ANKS6: variants seen among roughly 807,000 people sequenced by gnomAD.
ANKS6 encodes ankyrin repeat and SAM domain-containing protein 6.
In ANKS6, 47 loss-of-function variants were observed where a neutral mutation model predicts 77.9. That is an observed-to-expected ratio of 0.60 (90% CI 0.48 to 0.77). ANKS6 has a LOEUF of 0.77. Among genes scored for constraint, ANKS6 ranks in the 30% least tolerant of loss-of-function variants. The pLI is 0.00. For synonymous variants in ANKS6, 488 were observed against 501.7 expected, an observed-to-expected ratio of 0.97 and a Z score of 0.37; for missense variants, 1,150 against 1,159.1, an observed-to-expected ratio of 0.99 and a Z score of 0.11.
intron 12 of ANKS6, among the ~76,000 whole-genome samples, chr9:98,754,785 C>A (rs1832611179): frequency 6.6e-6 from 1 of 152,190 alleles, no homozygotes. Context: ...AATTATTCTA[C>A]AAAGAAAGTG....
chr9:98,794,020 C>T (rs948638465), intron 1 of ANKS6, among the ~76,000 whole-genome samples: 28 of 150,394 alleles, frequency 1.9e-4, no homozygotes, highest in African/African-American at 6.3e-4. Context: ...CGTGGTGGCA[C>T]GTGACTGTAA....
chr9:98,736,772 C>T (rs1319251715), intron 14 of ANKS6, 149 bp from the exon 15 acceptor site: 8 of 1,031,430 alleles, frequency 7.8e-6, no homozygotes, highest in Non-Finnish European at 1.1e-5. Context: ...GAAAGAGTAC[C>T]GAGTTCAATA....
At chr9:98,785,944 G>C (rs1457293824) in intron 2 of ANKS6, among the ~76,000 whole-genome samples, 1 of 152,172 alleles carries the variant, frequency 6.6e-6, no homozygotes, top group African/African-American at 2.4e-5. Context: ...GCCATTCAAA[G>C]AGCAATTACT....
chr9:98,762,467 T>C (rs1833067856), intron 11 of ANKS6, among the ~76,000 whole-genome samples: 1 of 152,182 alleles, frequency 6.6e-6, no homozygotes, highest in African/African-American at 2.4e-5. Flanking sequence ...AAGTTGACAG[T>C]TGGAGGTAAG....
Position 98,770,969 on chromosome 9 carries a change from G to A in ANKS6, c.1899C>T (p.His633=). The A allele has an allele frequency of 6.3e-7, 1 of 1,599,272 alleles. No homozygotes were observed. Among genetic ancestry groups the A allele is most frequent in the Non-Finnish European group, 8.5e-7 (1 of 1,172,828 alleles). ...TGGAGCCGCCCGATGAATGAGGCGA[G>A]TGGTTGAAGTTTCCAGAATTGGCAG... The part of the protein sequence containing the change: ...ASSANSGNFN[H]SPHSSGGSSG... The change falls in exon 10 of 15, where the codon CAC becomes CAT. Residue 633 remains histidine, a synonymous_variant. Transcript: ENST00000353234.
At chr9:98,784,397 G>C in intron 3 of ANKS6, 1 of 448,434 alleles carries the variant, frequency 2.2e-6, no homozygotes, top group Non-Finnish European at 3.9e-6. Flanking sequence ...CAGAAGTGTT[G>C]TTAGTGTCTT....
intron 10 of ANKS6, among the ~76,000 whole-genome samples, chr9:98,769,725 A>G (rs1833518809): frequency 6.6e-6 from 1 of 152,146 alleles, no homozygotes; most frequent in African/African-American, 2.4e-5. Flanking sequence ...TTGACCCCGG[A>G]CGAGTTATCT....
At chr9:98,769,727 G>A (rs78192993) in intron 10 of ANKS6, among the ~76,000 whole-genome samples, 4 of 152,262 alleles carry the variant, frequency 2.6e-5, no homozygotes, top group Non-Finnish European at 4.4e-5. Context: ...GACCCCGGAC[G>A]AGTTATCTAA....
At chr9:98,780,113 C>T in intron 6 of ANKS6, 76 bp downstream of exon 6, 3 of 1,583,764 alleles carry the variant, frequency 1.9e-6, no homozygotes, top group South Asian at 2.3e-5. Flanking sequence ...AGCCTGGGTG[C>T]ATAGGAGGCA....
rs1040499799 is a variant in ANKS6 at position 98,734,682 on chromosome 9, A to C, written c.*1837T>G. On this transcript the variant is annotated 3_prime_UTR_variant, in exon 15 of 15. Transcript: ENST00000353234. ...GGCAAGCTGCTTCCCTCTCCTAAGC[A>C]TCCGTTTCCCGAATGTGCAAGATGA... The C allele has an allele frequency of 7.5e-6, 7 of 932,642 alleles. No homozygotes were observed. The highest frequency in any genetic ancestry group is 9.0e-6 in the Non-Finnish European group (7 of 782,062). 57.8% of individuals were successfully genotyped at this position (932,642 alleles called of 1,614,324 possible). A position where few individuals can be genotyped will look rare whatever the true frequency, so the allele number is the denominator to read the frequency against.
chr9:98,777,027 G>A, intron 8 of ANKS6, among the ~76,000 whole-genome samples: 1 of 152,194 alleles, frequency 6.6e-6, no homozygotes, highest in Non-Finnish European at 1.5e-5. Context: ...AGTTACAGAT[G>A]AGGAAACTGA....
chr9:98,742,523 C>G (rs75470183), intron 14 of ANKS6, among the ~76,000 whole-genome samples: 7,581 of 152,306 alleles, frequency 0.05, 596 homozygotes, highest in African/African-American at 0.17. Context: ...ATGGTCTTCA[C>G]TTCCAGAGGA....
chr9:98,741,420 C>G (rs1831822599), intron 14 of ANKS6, among the ~76,000 whole-genome samples: 1 of 152,106 alleles, frequency 6.6e-6, no homozygotes, highest in Non-Finnish European at 1.5e-5. Context: ...AAGACCCCAT[C>G]TCTTTAAAAA....
At chr9:98,770,776 G>A (rs1833575738) in intron 10 of ANKS6, 120 bp downstream of exon 10, 1 of 1,077,098 alleles carries the variant, frequency 9.3e-7, no homozygotes, top group Non-Finnish European at 1.2e-6. Context: ...ACATTAAGGA[G>A]AAAGTGCCTC....
In ANKS6 at chr9:98,795,954, T is replaced by C. The variant is rs73493983; in HGVS notation, c.359+179A>G. ...TTCTAAGAATCTGATTTTATGTTAA[T>C]TCAAAAGTGTTTCCACGTCTATGCT... is the stretch of plus-strand genomic sequence containing the variant. On this transcript the variant is annotated intron_variant, in intron 1 of 14. Coordinates refer to ENST00000353234, the MANE Select transcript of ANKS6 (RefSeq NM_173551.5). 8,969 of 612,016 alleles carry C rather than the reference T, an allele frequency of 0.015. 635 individuals carry two copies. The African/African-American group carries it at 0.15, about 11-fold the overall frequency. The allele number at this position is 612,016 out of a possible 1,614,324, so 37.9% of individuals were successfully genotyped here.
intron 6 of ANKS6, among the ~76,000 whole-genome samples, chr9:98,779,234 G>A (rs543650449): frequency 6.6e-6 from 1 of 152,326 alleles, no homozygotes; most frequent in Admixed American, 6.5e-5. Context: ...AAGTAGAGCA[G>A]GATGTGGAAG....
At position 98,765,062 on chromosome 9, in the gene ANKS6, C is replaced by A. The variant is rs79398581; in HGVS notation, c.2142+3019G>T. Among the ~76,000 whole-genome samples the A allele has an allele frequency of 7.3e-3, 1,111 of 152,204 alleles. 20 individuals carry two copies. The highest frequency in any genetic ancestry group is 0.025 in the African/African-American group (1,043 of 41,524). ...ATATGCCTGAGTGGAAAAAGAAGAC[C>A]CTCCCTGAGGTTTTGAAAGACTTGC... is the stretch of plus-strand genomic sequence containing the variant. On this transcript the variant is annotated intron_variant, in intron 11 of 14. Transcript: ENST00000353234.
At position 98,732,332 on chromosome 9, in the gene ANKS6, T is replaced by C. The variant is rs1588300102; in HGVS notation, c.*4187A>G. 10 of 782,840 alleles carry C rather than the reference T, an allele frequency of 1.3e-5. No homozygotes were observed. The East Asian group carries it at 2.4e-4, about 19-fold the overall frequency. 48.5% of individuals were successfully genotyped at this position (782,840 alleles called of 1,614,324 possible). Reference sequence around the variant, plus strand: ...AAGGGACGAGTTCCCTGCCCCCTTTTTACCCGCTGGATCAGCTTCTACGAC... The same window carrying C: ...AAGGGACGAGTTCCCTGCCCCCTTTCTACCCGCTGGATCAGCTTCTACGAC... On this transcript the variant is annotated 3_prime_UTR_variant, in exon 15 of 15. Coordinates refer to ENST00000353234, the MANE Select transcript of ANKS6 (RefSeq NM_173551.5).
intron 12 of ANKS6, among the ~76,000 whole-genome samples, chr9:98,755,691 TAGGTTGGACCC>T (rs1832663523): frequency 1.3e-5 from 2 of 152,156 alleles, no homozygotes. Context: ...CATATGTCAG[TAGGTTGGACCC>T]CAACTCCGCT....
Sources: gnomAD v4.1 joint callset for allele counts (sites outside exome capture counted in the v4.1 genomes callset) on GRCh38, gnomAD v4.1.1 for gene constraint, MANE v1.5 for transcripts, NCBI Gene and HGNC (gene_info 2026-07-23, HGNC 2026-07-21) for gene names.